SGCZ: variants seen among roughly 807,000 people sequenced by gnomAD.
SGCZ encodes sarcoglycan zeta, also known as zeta-sarcoglycan.
A neutral mutation model predicts 41.3 loss-of-function variants in SGCZ; 40 were observed. The ratio of observed to expected loss-of-function variants is 0.97; its 90% CI spans 0.75 to 1.26. The LOEUF is 1.26. Ranked by LOEUF, SGCZ falls within the 50% of genes most tolerant of loss-of-function variation. The pLI, the probability that SGCZ is intolerant of heterozygous loss-of-function variation, is 0.00. For synonymous variants in SGCZ, 206 were observed against 137.5 expected (o/e 1.50, Z -3.49); for missense variants, 552 against 369.8 (o/e 1.49, Z -4.04).
At chr8:14,789,471 T>C (rs1359451510) in intron 1 of SGCZ, among the ~76,000 whole-genome samples, 1 of 152,184 alleles carries the variant, frequency 6.6e-6, no homozygotes, top group Non-Finnish European at 1.5e-5. Context: ...CAAGAATTCA[T>C]GAATAATGAA....
intron 1 of SGCZ, among the ~76,000 whole-genome samples, chr8:15,052,033 T>A (rs543616281): frequency 2.6e-5 from 4 of 152,180 alleles, no homozygotes; most frequent in African/African-American, 9.6e-5. Flanking sequence ...GCTTGGATGG[T>A]GAAGGGAAGA....
chr8:15,120,348 A>G (rs1807433060), intron 1 of SGCZ, among the ~76,000 whole-genome samples: 2 of 152,236 alleles, frequency 1.3e-5, no homozygotes, highest in African/African-American at 2.4e-5. Flanking sequence ...GACATTTTCT[A>G]TCAAAATCCT....
At chr8:15,178,473 T>C (rs917204067) in intron 1 of SGCZ, among the ~76,000 whole-genome samples, 1 of 152,180 alleles carries the variant, frequency 6.6e-6, no homozygotes, top group South Asian at 2.1e-4. Flanking sequence ...AGTAAAATGC[T>C]CAGAGCATGG....
In SGCZ at chr8:14,086,859, C is replaced by G. The variant is rs182484647; in HGVS notation, c.*3584G>C. 1.3e-3 allele frequency among the ~76,000 whole-genome samples: 198 copies of G among 151,674 alleles called. 1 individual carries two copies. Among genetic ancestry groups the G allele is most frequent in the African/African-American group, 4.6e-3 (190 of 41,454 alleles). ...GCTAGTTCAGATATGGCTACTTAAC[C>G]TAAGATTTATGAGTGCTTCCTTAAC... On this transcript the variant is annotated 3_prime_UTR_variant, in exon 8 of 8. Transcript: ENST00000382080.
chr8:14,401,394 G>C (rs137880061), intron 2 of SGCZ, among the ~76,000 whole-genome samples: 1 of 147,848 alleles, frequency 6.8e-6, no homozygotes, highest in Non-Finnish European at 1.5e-5. Context: ...CCAATAACTC[G>C]TCATCTAGCA....
intron 1 of SGCZ, among the ~76,000 whole-genome samples, chr8:14,883,776 G>GTTTTT (rs1233614779): frequency 3.5e-4 from 30 of 85,962 alleles, no homozygotes; most frequent in African/African-American, 3.9e-4. Context: ...GCATCCTGTT[G>GTTTTT]TTTTTTTTTT....
intron 2 of SGCZ, among the ~76,000 whole-genome samples, chr8:14,529,698 A>G (rs1803066329): frequency 1.3e-5 from 2 of 152,094 alleles, no homozygotes; most frequent in Admixed American, 6.6e-5. Flanking sequence ...AAGGTTAAGT[A>G]TGTCTCTCAG....
At chr8:15,155,573 A>G (rs1383438180) in intron 1 of SGCZ, among the ~76,000 whole-genome samples, 1 of 152,222 alleles carries the variant, frequency 6.6e-6, no homozygotes, top group Non-Finnish European at 1.5e-5. Context: ...TGGAAACGTC[A>G]TAACTGAGCC....
intron 2 of SGCZ, among the ~76,000 whole-genome samples, chr8:14,485,361 C>A (rs567191010): frequency 2.0e-5 from 3 of 152,204 alleles, no homozygotes; most frequent in East Asian, 3.9e-4. Flanking sequence ...CTCAGCCTCC[C>A]GAGTAGCTGG....
chr8:14,230,635 T>C (rs1287369165), intron 4 of SGCZ, among the ~76,000 whole-genome samples: 1 of 152,102 alleles, frequency 6.6e-6, no homozygotes, highest in Non-Finnish European at 1.5e-5. Flanking sequence ...ATGACATTTT[T>C]ACATACTGTA....
intron 1 of SGCZ, among the ~76,000 whole-genome samples, chr8:14,867,505 T>C (rs1803976224): frequency 6.6e-6 from 1 of 151,856 alleles, no homozygotes; most frequent in Non-Finnish European, 1.5e-5. Context: ...ATTTCTGTCT[T>C]TAGGTCTTTG....
intron 4 of SGCZ, among the ~76,000 whole-genome samples, chr8:14,196,721 G>A (rs555347617): frequency 5.8e-4 from 89 of 152,152 alleles, no homozygotes; most frequent in South Asian, 1.0e-3. Flanking sequence ...ATAGACTAAT[G>A]GCATATGCTG....
At chr8:15,044,150 T>C (rs1585505846) in intron 1 of SGCZ, among the ~76,000 whole-genome samples, 1 of 152,268 alleles carries the variant, frequency 6.6e-6, no homozygotes, top group African/African-American at 2.4e-5. Flanking sequence ...TAATTTATAA[T>C]TTATAAAATA....
chr8:14,617,145 T>G (rs553246798), intron 1 of SGCZ, among the ~76,000 whole-genome samples: 1 of 152,304 alleles, frequency 6.6e-6, no homozygotes, highest in South Asian at 2.1e-4. Context: ...AAGCTTCCCT[T>G]GATGGTCTTC....
chr8:15,007,818 AC>A (rs1314981462), intron 1 of SGCZ, among the ~76,000 whole-genome samples: 3 of 152,180 alleles, frequency 2.0e-5, no homozygotes, highest in Non-Finnish European at 4.4e-5. Flanking sequence ...TATTGTTATT[AC>A]CTTGAGGAGA....
chr8:14,662,628 A>T (rs964011523), intron 1 of SGCZ, among the ~76,000 whole-genome samples: 1 of 152,220 alleles, frequency 6.6e-6, no homozygotes, highest in African/African-American at 2.4e-5. Context: ...CCTCCAAAGA[A>T]GTCTATGAAC....
chr8:14,440,264 A>G (rs1800210589), intron 2 of SGCZ, among the ~76,000 whole-genome samples: 1 of 152,112 alleles, frequency 6.6e-6, no homozygotes, highest in Non-Finnish European at 1.5e-5. Context: ...TTGACTTGGG[A>G]AAAATTAAGT....
At chr8:15,101,204 A>G (rs1806598621) in intron 1 of SGCZ, among the ~76,000 whole-genome samples, 1 of 152,188 alleles carries the variant, frequency 6.6e-6, no homozygotes, top group African/African-American at 2.4e-5. Flanking sequence ...TAACTTTTGA[A>G]CACACCAAAT....
At chr8:15,181,940 C>A (rs1050451401) in intron 1 of SGCZ, among the ~76,000 whole-genome samples, 3 of 152,046 alleles carry the variant, frequency 2.0e-5, no homozygotes, top group South Asian at 2.1e-4. Flanking sequence ...AATTTTTGAA[C>A]CTGTGTTACA....
Sources: allele counts gnomAD v4.1 joint callset (sites outside exome capture counted in the v4.1 genomes callset), GRCh38; gene constraint gnomAD v4.1.1; transcripts MANE v1.5; gene names NCBI Gene and HGNC (gene_info 2026-07-23, HGNC 2026-07-21).